The following ORC5 variants were observed in gnomAD, a reference collection of about 807,000 sequenced individuals.
The protein encoded by ORC5 is origin recognition complex subunit 5.
ORC5 carries 39 observed loss-of-function variants against 58.8 expected under a neutral mutation model. The ratio of observed to expected loss-of-function variants is 0.66; its 90% confidence interval spans 0.51 to 0.87. ORC5 has a LOEUF of 0.87. Among genes scored for constraint, ORC5 ranks in the 40% least tolerant of loss-of-function variants. ORC5 has a pLI of 0.00. For synonymous variants in ORC5, 218 were observed against 177.6 expected, an observed-to-expected ratio of 1.23 and a Z score of -1.81; for missense variants, 493 against 506.3, an observed-to-expected ratio of 0.97 and a Z score of 0.25.
chr7:104,204,001 A>C, intron 2 of ORC5, 141 bp downstream of exon 2: 2 of 505,160 alleles, frequency 4.0e-6, no homozygotes, highest in Non-Finnish European at 7.1e-6. Flanking sequence ...ACAGTAGACC[A>C]TTCATGGAGA....
At chr7:104,207,684 G>C (rs1435009547) in intron 1 of ORC5, 149 bp downstream of exon 1, 1 of 648,876 alleles carries the variant, frequency 1.5e-6, no homozygotes, top group Non-Finnish European at 2.8e-6. Flanking sequence ...TGTGGGTGAA[G>C]CTGCAGTACA....
At chr7:104,149,149 G>A (rs981030893) in intron 12 of ORC5, among the ~76,000 whole-genome samples, 9 of 152,156 alleles carry the variant, frequency 5.9e-5, no homozygotes, top group African/African-American at 2.2e-4. Context: ...CACATTTGTG[G>A]ATTAAAGGTC....
chr7:104,198,752 CAA>C (rs1799860606), intron 3 of ORC5, among the ~76,000 whole-genome samples: 1 of 152,188 alleles, frequency 6.6e-6, no homozygotes, highest in Non-Finnish European at 1.5e-5. Flanking sequence ...AACAAGGAGC[CAA>C]ATGTTAACAG....
chr7:104,193,435 C>T (rs1799720894), intron 5 of ORC5, among the ~76,000 whole-genome samples: 1 of 151,938 alleles, frequency 6.6e-6, no homozygotes, highest in Admixed American at 6.6e-5. Flanking sequence ...TATAATCTCT[C>T]TAAAGAAAAA....
chr7:104,136,720 A>T lies in ORC5; in HGVS notation c.1262+61T>A. The T allele has an allele frequency of 9.3e-7, 1 of 1,069,944 alleles. No homozygotes were observed. The highest frequency in any genetic ancestry group is 1.4e-6 in the Non-Finnish European group (1 of 697,656). 66.3% of individuals were successfully genotyped at this position (1,069,944 alleles called of 1,614,324 possible). A position where few individuals can be genotyped will look rare whatever the true frequency, so the allele number is the denominator to read the frequency against. ...TTTAAATGTCATGACTAATGACATC[A>T]CATTTGGAAAACACTAATTTTTATA... On this transcript the variant is annotated intron_variant, in intron 13 of 13. Transcript: ENST00000297431. The surrounding 1 kb of genome is among the most constrained non-coding windows in gnomAD (Gnocchi z 4.2).
intron 5 of ORC5, among the ~76,000 whole-genome samples, chr7:104,188,604 A>G (rs150364022): frequency 3.6e-4 from 55 of 152,186 alleles, no homozygotes; most frequent in African/African-American, 1.1e-3. Flanking sequence ...GCTTCTAAAA[A>G]CCCTCATAAT....
At chr7:104,205,086 CTTTTTTTT>C (rs10672012) in intron 1 of ORC5, among the ~76,000 whole-genome samples, 1 of 99,426 alleles carries the variant, frequency 1.0e-5, no homozygotes, top group Non-Finnish European at 1.9e-5. Context: ...TAATAATACT[CTTTTTTTT>C]TTTTTTTTTT....
At chr7:104,198,906 C>A (rs1361663829) in intron 3 of ORC5, among the ~76,000 whole-genome samples, 3 of 152,214 alleles carry the variant, frequency 2.0e-5, no homozygotes, top group Non-Finnish European at 4.4e-5. Context: ...TGTCCTGCAT[C>A]CCCACTCATG....
intron 10 of ORC5, chr7:104,165,550 T>C: frequency 3.3e-6 from 1 of 300,784 alleles, no homozygotes; most frequent in Non-Finnish European, 6.0e-6. Context: ...AAAGAGCTTA[T>C]TATATTGATT....
At chr7:104,127,390 T>C (rs1033702750) in intron 13 of ORC5, among the ~76,000 whole-genome samples, 1 of 152,220 alleles carries the variant, frequency 6.6e-6, no homozygotes, top group Non-Finnish European at 1.5e-5. Flanking sequence ...GTGTGTATTG[T>C]AACTAAATCT....
intron 8 of ORC5, among the ~76,000 whole-genome samples, chr7:104,179,130 T>A (rs1160502366): frequency 4.1e-5 from 5 of 123,408 alleles, no homozygotes; most frequent in Non-Finnish European, 8.8e-5. Context: ...TTTTTTTTTT[T>A]AAGAGACAGG....
At chr7:104,158,664 G>A (rs552496673) in intron 12 of ORC5, among the ~76,000 whole-genome samples, 3,983 of 151,072 alleles carry the variant, frequency 0.026, 161 homozygotes, top group African/African-American at 0.093. Context: ...AAAAGTGGGC[G>A]AAGGATATGA....
At chr7:104,172,830 G>A (rs1035158061) in intron 8 of ORC5, among the ~76,000 whole-genome samples, 4 of 152,106 alleles carry the variant, frequency 2.6e-5, no homozygotes, top group Non-Finnish European at 5.9e-5. Context: ...TCTCTCCTGA[G>A]CTGTTTCACT....
intron 6 of ORC5, among the ~76,000 whole-genome samples, chr7:104,184,813 G>C (rs1158737808): frequency 2.0e-5 from 3 of 152,004 alleles, no homozygotes; most frequent in Admixed American, 6.6e-5. Context: ...AAAGAGACTT[G>C]AGGGTCTGAC....
chr7:104,194,927 G>A (rs1381946067), intron 5 of ORC5, among the ~76,000 whole-genome samples: 1 of 125,198 alleles, frequency 8.0e-6, no homozygotes, highest in Non-Finnish European at 1.6e-5. Flanking sequence ...AACCTTAACA[G>A]TTTAATACTT....
Position 104,184,173 on chromosome 7 carries a change from T to C in ORC5, c.685-2A>G. The C allele has an allele frequency of 6.5e-7, 1 of 1,529,412 alleles. No individual in the cohort carries two copies. Among genetic ancestry groups the C allele is most frequent in the Non-Finnish European group, 8.9e-7 (1 of 1,124,234 alleles). The allele number at this position is 1,529,412 out of a possible 1,614,324, so 94.7% of individuals were successfully genotyped here. A position where few individuals can be genotyped will look rare whatever the true frequency, so the allele number is the denominator to read the frequency against. ...ATATTTAGGAAAATTAAGTACTGCCTGTAAGTAAAGAAAAAAAAAGAGAAG... is the reference window on the plus strand; with the variant it reads ...ATATTTAGGAAAATTAAGTACTGCCCGTAAGTAAAGAAAAAAAAAGAGAAG... On this transcript the variant is annotated splice_acceptor_variant, in intron 6 of 13. Coordinates refer to ENST00000297431, the MANE Select transcript of ORC5 (RefSeq NM_002553.4). LOFTEE classifies it high-confidence loss of function.
intron 13 of ORC5, among the ~76,000 whole-genome samples, chr7:104,131,630 T>A (rs1372558464): frequency 6.6e-6 from 1 of 152,154 alleles, no homozygotes; most frequent in Admixed American, 6.5e-5. Flanking sequence ...GGTGGGTGGA[T>A]CACCTGAGGT....
intron 13 of ORC5, 134 bp from the exon 14 acceptor site, chr7:104,127,027 A>G: frequency 1.9e-6 from 1 of 522,088 alleles, no homozygotes; most frequent in Non-Finnish European, 3.4e-6. Flanking sequence ...ATGCACCCTG[A>G]TAGGACTGAC....
chr7:104,164,640 GACAT>G (rs1048256001), intron 11 of ORC5, among the ~76,000 whole-genome samples: 3 of 152,132 alleles, frequency 2.0e-5, no homozygotes, highest in Non-Finnish European at 4.4e-5. Context: ...CAGTGGTTTG[GACAT>G]ACAAAGTGGA....
Sources: gnomAD v4.1 joint callset for allele counts (sites outside exome capture counted in the v4.1 genomes callset) on GRCh38, gnomAD v4.1.1 for gene constraint, Gnocchi (gnomAD v3.1) non-coding constraint, MANE v1.5 for transcripts, NCBI Gene and HGNC (gene_info 2026-07-23, HGNC 2026-07-21) for gene names.